KANSL1: variants seen among roughly 807,000 people sequenced by gnomAD.
The protein encoded by KANSL1 is KAT8 regulatory NSL complex subunit 1, also known as MLL1/MLL complex subunit KANSL1.
Under a neutral mutation model 103.6 loss-of-function variants are expected in KANSL1, and 22 were observed. The ratio of observed to expected loss-of-function variants is 0.21; its 90% CI spans 0.15 to 0.30. The LOEUF (loss-of-function observed/expected upper bound fraction) is 0.30. KANSL1 is among the 10% of genes least tolerant of loss of function. The pLI is 1.00. For missense variants in KANSL1, 1,337 were observed against 1,399.8 expected (o/e 0.96, Z 0.72); for synonymous variants, 600 against 527.6 (o/e 1.14, Z -1.88).
intron 2 of KANSL1, among the ~76,000 whole-genome samples, chr17:46,164,087 G>C (rs1202386489): frequency 6.6e-6 from 1 of 152,188 alleles, no homozygotes; most frequent in African/African-American, 2.4e-5. Context: ...TAAACTTCTT[G>C]AGGATACAAA....
intron 2 of KANSL1, among the ~76,000 whole-genome samples, chr17:46,113,622 C>A (rs530317579): frequency 2.0e-5 from 3 of 150,878 alleles, no homozygotes; most frequent in African/African-American, 7.2e-5. Context: ...ATCCAAAAAA[C>A]TCATGAGTTG....
At chr17:46,034,659 G>A (rs1568369142) in intron 10 of KANSL1, 4 of 229,470 alleles carry the variant, frequency 1.7e-5, no homozygotes, top group Non-Finnish European at 3.4e-5. Context: ...CTTTATCCCC[G>A]TTTATGACTT....
chr17:46,216,128 T>C (rs1011518686), intron 1 of KANSL1, among the ~76,000 whole-genome samples: 1 of 152,174 alleles, frequency 6.6e-6, no homozygotes, highest in Non-Finnish European at 1.5e-5. Flanking sequence ...GTATATGGGA[T>C]TGGAGATCAG....
At chr17:46,136,229 G>A (rs1016927143) in intron 2 of KANSL1, among the ~76,000 whole-genome samples, 1 of 152,132 alleles carries the variant, frequency 6.6e-6, no homozygotes, top group Non-Finnish European at 1.5e-5. Context: ...ATTTTAAAAT[G>A]AGAATTCCTA....
At chr17:46,038,199 A>G (rs573459596) in intron 10 of KANSL1, 15 of 246,616 alleles carry the variant, frequency 6.1e-5, no homozygotes, top group Non-Finnish European at 8.5e-5. Context: ...CAACAGGATT[A>G]GGGCCACGGA....
intron 2 of KANSL1, among the ~76,000 whole-genome samples, chr17:46,137,541 T>G (rs1375466605): frequency 1.3e-5 from 2 of 152,230 alleles, no homozygotes; most frequent in Non-Finnish European, 2.9e-5. Flanking sequence ...AAGTTTTCAG[T>G]GTGCACTTAA....
In KANSL1 at chr17:46,031,156, A is replaced by C; in HGVS notation, c.*320T>G. On this transcript the variant is annotated 3_prime_UTR_variant, in exon 15 of 15. Transcript: ENST00000432791. ...TCTGCCCTGCCCACAGGTGTGAGGG[A>C]GGGGGTGGTCATCTAAGATCAGTAA... 1 of 401,886 alleles carries C rather than the reference A, an allele frequency of 2.5e-6. No individual in the cohort carries two copies. The highest frequency in any genetic ancestry group is 4.6e-6 in the Non-Finnish European group (1 of 218,018). The allele number at this position is 401,886 out of a possible 1,614,324, so 24.9% of individuals were successfully genotyped here.
chr17:46,189,709 C>T (rs192706281), intron 1 of KANSL1, among the ~76,000 whole-genome samples: 50 of 151,996 alleles, frequency 3.3e-4, no homozygotes, highest in Admixed American at 8.5e-4. Flanking sequence ...CATGGTGAAA[C>T]CCCCGTCTCT....
chr17:46,055,340 C>A (rs909649737), intron 6 of KANSL1, among the ~76,000 whole-genome samples: 48 of 151,876 alleles, frequency 3.2e-4, no homozygotes, highest in African/African-American at 1.1e-3. Context: ...TGGCGGGCGC[C>A]TGTAATCCCA....
At chr17:46,039,573 G>T in intron 8 of KANSL1, 129 bp downstream of exon 8, 1 of 982,806 alleles carries the variant, frequency 1.0e-6, no homozygotes, top group Non-Finnish European at 1.5e-6. Flanking sequence ...CAGTCACTGT[G>T]AGCTGAATTT....
chr17:46,040,704 T>C (rs1015893972), intron 7 of KANSL1: 1 of 152,216 alleles, frequency 6.6e-6, no homozygotes, highest in African/African-American at 2.4e-5. Flanking sequence ...AACAAACTTG[T>C]GGTATTACAC....
chr17:46,198,422 TAAAAAAAAAAA>T (rs58312564), upstream of KANSL1, among the ~76,000 whole-genome samples: 202 of 96,104 alleles, frequency 2.1e-3, 2 homozygotes, highest in African/African-American at 3.7e-3. Flanking sequence ...CTACTTTAAT[TAAAAAAAAAAA>T]AAAAAAAAAA....
Position 46,108,637 on chromosome 17 carries a change from C to A in KANSL1, c.1290-13936G>T, listed in dbSNP as rs150772318. ...CAATGCCTAGCAAATGGCAGGTACT[C>A]AAATATTTGTTCAAAGGGAAGGAAG... On this transcript the variant is annotated intron_variant, in intron 2 of 14. Coordinates refer to ENST00000432791, the MANE Select transcript of KANSL1 (RefSeq NM_015443.4). Among the ~76,000 whole-genome samples the A allele has an allele frequency of 8.6e-4, 131 of 152,298 alleles. 1 individual carries two copies. Among genetic ancestry groups the A allele is most frequent in the Non-Finnish European group, 1.1e-3 (72 of 68,032 alleles).
At chr17:46,135,525 T>C (rs1375846585) in intron 2 of KANSL1, among the ~76,000 whole-genome samples, 1 of 149,876 alleles carries the variant, frequency 6.7e-6, no homozygotes, top group Non-Finnish European at 1.5e-5. Flanking sequence ...GACAGATTTT[T>C]TTCCCCTCAA....
intron 2 of KANSL1, among the ~76,000 whole-genome samples, chr17:46,119,595 C>T (rs1030212213): frequency 2.0e-5 from 3 of 152,208 alleles, no homozygotes; most frequent in African/African-American, 4.8e-5. Flanking sequence ...GCGTGAGCCA[C>T]CACACCCGGC....
At chr17:46,148,082 A>C (rs2044833578) in intron 2 of KANSL1, 1 of 152,250 alleles carries the variant, frequency 6.6e-6, no homozygotes, top group Non-Finnish European at 1.5e-5. Context: ...GATGGTTTAT[A>C]AAAAGTAATT....
intron 1 of KANSL1, among the ~76,000 whole-genome samples, chr17:46,216,803 G>C (rs2048353610): frequency 6.6e-6 from 1 of 151,904 alleles, no homozygotes. Context: ...TTCCCCAAAA[G>C]AGATATGTAG....
chr17:46,179,417 G>C (rs1003105856), intron 1 of KANSL1, among the ~76,000 whole-genome samples: 3 of 152,212 alleles, frequency 2.0e-5, no homozygotes, highest in African/African-American at 7.2e-5. Context: ...AGAGAACAAA[G>C]GGGAAGGAAT....
chr17:46,040,983 T>C (rs1428924826), intron 7 of KANSL1: 1 of 152,254 alleles, frequency 6.6e-6, no homozygotes, highest in Non-Finnish European at 1.5e-5. Context: ...CTGGAACTTC[T>C]TAGAGATTTG....
Sources: gnomAD v4.1 joint callset for allele counts (sites outside exome capture counted in the v4.1 genomes callset) on GRCh38, gnomAD v4.1.1 for gene constraint, MANE v1.5 for transcripts, NCBI Gene and HGNC (gene_info 2026-07-23, HGNC 2026-07-21) for gene names.